DLEU7: variants seen among roughly 807,000 people sequenced by gnomAD.
DLEU7 encodes leukemia-associated protein 7.
In DLEU7, 17 loss-of-function variants were observed where a neutral mutation model predicts 16.0. The observed-to-expected ratio is 1.06, with a 90% confidence interval of 0.73 to 1.59. The LOEUF (loss-of-function observed/expected upper bound fraction) is 1.59, where lower values mean the gene tolerates loss of function less well. DLEU7 is among the 40% of genes most tolerant of loss of function. The pLI, the probability that DLEU7 is intolerant of heterozygous loss-of-function variation, is 0.00. For missense variants in DLEU7, 308 were observed against 314.9 expected (o/e 0.98, Z 0.17); for synonymous variants, 113 against 139.8 (o/e 0.81, Z 1.35).
intron 1 of DLEU7, among the ~76,000 whole-genome samples, chr13:50,752,073 AT>A (rs1309439428): frequency 5.7e-5 from 7 of 122,460 alleles, no homozygotes; most frequent in African/African-American, 2.3e-4. Flanking sequence ...TTTTTTTGAG[AT>A]GGAGTCTTGC....
intron 1 of DLEU7, among the ~76,000 whole-genome samples, chr13:50,832,456 A>G (rs890378586): frequency 1.3e-5 from 2 of 152,140 alleles, no homozygotes; most frequent in Non-Finnish European, 2.9e-5. Context: ...GATTTTTTGA[A>G]AGGTTTTTCA....
At chr13:50,775,566 A>G (rs1875469311) in intron 1 of DLEU7, among the ~76,000 whole-genome samples, 1 of 152,090 alleles carries the variant, frequency 6.6e-6, no homozygotes, top group Non-Finnish European at 1.5e-5. Context: ...GAATCGGCCA[A>G]TTATTTGAGG....
chr13:50,831,987 A>T (rs573284379), intron 1 of DLEU7, among the ~76,000 whole-genome samples: 1 of 152,254 alleles, frequency 6.6e-6, no homozygotes, highest in Admixed American at 6.5e-5. Context: ...TATCAGGATG[A>T]TGCTGGCCTC....
intron 1 of DLEU7, among the ~76,000 whole-genome samples, chr13:50,719,388 G>A (rs1873530258): frequency 6.6e-6 from 1 of 152,160 alleles, no homozygotes; most frequent in East Asian, 1.9e-4. Context: ...GTTGGCAGAG[G>A]TGCAAATTCT....
At chr13:50,748,652 A>G (rs980611871) in intron 1 of DLEU7, among the ~76,000 whole-genome samples, 4 of 152,134 alleles carry the variant, frequency 2.6e-5, no homozygotes, top group Admixed American at 6.5e-5. Flanking sequence ...ATAGAGCCCA[A>G]GGAGGCTGGT....
intron 1 of DLEU7, among the ~76,000 whole-genome samples, chr13:50,795,614 A>C (rs995217030): frequency 6.6e-6 from 1 of 152,224 alleles, no homozygotes; most frequent in Non-Finnish European, 1.5e-5. Flanking sequence ...TCAGATTGTT[A>C]AAATATTAAA....
At chr13:50,769,269 T>G (rs991734741) in intron 1 of DLEU7, among the ~76,000 whole-genome samples, 3 of 152,240 alleles carry the variant, frequency 2.0e-5, no homozygotes, top group African/African-American at 7.2e-5. Context: ...TTTCTTTTGC[T>G]GTGCAGAAGC....
downstream of DLEU7, among the ~76,000 whole-genome samples, chr13:50,822,366 T>G (rs1325427381): frequency 6.6e-6 from 1 of 152,198 alleles, no homozygotes; most frequent in East Asian, 1.9e-4. Flanking sequence ...TAATCTTTTT[T>G]TTCTAAATCT....
At chr13:50,769,329 T>G (rs1875224781) in intron 1 of DLEU7, among the ~76,000 whole-genome samples, 1 of 152,212 alleles carries the variant, frequency 6.6e-6, no homozygotes, top group Non-Finnish European at 1.5e-5. Flanking sequence ...TTGTTGCCAT[T>G]GCTTTTGGTG....
intron 1 of DLEU7, among the ~76,000 whole-genome samples, chr13:50,838,169 G>A (rs1409700079): frequency 1.3e-5 from 2 of 152,222 alleles, no homozygotes; most frequent in African/African-American, 4.8e-5. Flanking sequence ...GCCAAAGCCA[G>A]CAGTTTTATG....
intron 1 of DLEU7, among the ~76,000 whole-genome samples, chr13:50,737,416 T>G (rs557291917): frequency 7.9e-5 from 12 of 152,318 alleles, no homozygotes; most frequent in Admixed American, 7.8e-4. Context: ...TTTTACAAAT[T>G]TAAGGTTTGT....
rs1046534744 is a variant in DLEU7 at position 50,713,050 on chromosome 13, A to G, written c.*167T>C. On this transcript the variant is annotated 3_prime_UTR_variant, in exon 2 of 2. Transcript: ENST00000400393. Reference sequence around the variant, plus strand: ...GGAGGTAATAAGAAGTCAGAGATCCACAGAGACCATGCAATTGGAGACCAA... The same window carrying G: ...GGAGGTAATAAGAAGTCAGAGATCCGCAGAGACCATGCAATTGGAGACCAA... 7.2e-6 allele frequency: 5 copies of G among 698,512 alleles called. No individual in the cohort carries two copies. The African/African-American group carries it at 9.0e-5, about 13-fold the overall frequency. 43.3% of individuals were successfully genotyped at this position (698,512 alleles called of 1,614,324 possible). A position where few individuals can be genotyped will look rare whatever the true frequency, so the allele number is the denominator to read the frequency against.
At chr13:50,777,405 C>T (rs1292862815) in intron 1 of DLEU7, among the ~76,000 whole-genome samples, 1 of 152,168 alleles carries the variant, frequency 6.6e-6, no homozygotes, top group African/African-American at 2.4e-5. Flanking sequence ...CTGGCTTAGC[C>T]TCCCAACCTA....
chr13:50,789,564 A>G (rs1566251784), intron 1 of DLEU7, among the ~76,000 whole-genome samples: 1 of 151,812 alleles, frequency 6.6e-6, no homozygotes, highest in Non-Finnish European at 1.5e-5. Context: ...CAGGAACACA[A>G]TTGTTTTCTA....
chr13:50,772,930 C>T (rs1046948589), intron 1 of DLEU7, among the ~76,000 whole-genome samples: 3 of 152,210 alleles, frequency 2.0e-5, no homozygotes, highest in Admixed American at 1.3e-4. Flanking sequence ...GGTCTTTTCA[C>T]ATAGTCCTAT....
intron 1 of DLEU7, among the ~76,000 whole-genome samples, chr13:50,733,291 T>G (rs1487873030): frequency 6.6e-6 from 1 of 152,222 alleles, no homozygotes; most frequent in Non-Finnish European, 1.5e-5. Flanking sequence ...TTAACCAGCC[T>G]GAGAACCAAT....
chr13:50,743,510 C>T (rs1874311077), intron 1 of DLEU7, among the ~76,000 whole-genome samples: 1 of 152,088 alleles, frequency 6.6e-6, no homozygotes, highest in Non-Finnish European at 1.5e-5. Flanking sequence ...CCTTAGTTTT[C>T]TCATCTGTAA....
At chr13:50,767,059 C>G (rs1875135720) in intron 1 of DLEU7, among the ~76,000 whole-genome samples, 1 of 152,162 alleles carries the variant, frequency 6.6e-6, no homozygotes, top group South Asian at 2.1e-4. Context: ...TTTCTGTTAT[C>G]CTACACACTA....
intron 1 of DLEU7, among the ~76,000 whole-genome samples, chr13:50,828,173 GAGAA>G (rs1877155957): frequency 6.6e-6 from 1 of 152,064 alleles, no homozygotes; most frequent in Non-Finnish European, 1.5e-5. Flanking sequence ...CAACAAAACA[GAGAA>G]AGACTGAAAA....
Sources: gnomAD v4.1 joint callset for allele counts (sites outside exome capture counted in the v4.1 genomes callset) on GRCh38, gnomAD v4.1.1 for gene constraint, MANE v1.5 for transcripts, NCBI Gene and HGNC (gene_info 2026-07-23, HGNC 2026-07-21) for gene names.